The following MBD5 variants were observed in gnomAD, a reference collection of about 807,000 sequenced individuals.
The protein encoded by MBD5 is methyl-CpG-binding domain protein 5.
MBD5 carries 13 observed loss-of-function variants against 117.3 expected under a neutral mutation model. The observed-to-expected ratio is 0.11, with a 90% CI of 0.07 to 0.18. The LOEUF (loss-of-function observed/expected upper bound fraction) is 0.18. Among genes scored for constraint, MBD5 ranks in the 10% least tolerant of loss-of-function variants. The probability of loss-of-function intolerance (pLI) is 1.00; values close to 1 mark genes in which losing one functional copy is unlikely to be tolerated. For missense variants in MBD5, 1,879 were observed against 2,093.8 expected (o/e 0.90, Z 2.00); for synonymous variants, 727 against 766.4 (o/e 0.95, Z 0.85).
chr2:148,169,037 G>A (rs184915141), intron 1 of MBD5, among the ~76,000 whole-genome samples: 6 of 150,962 alleles, frequency 4.0e-5, no homozygotes, highest in East Asian at 1.9e-4. Flanking sequence ...ATAACACTGC[G>A]CAGAGGAAGT....
At chr2:148,245,121 C>T (rs1193804393) in intron 3 of MBD5, among the ~76,000 whole-genome samples, 2 of 152,188 alleles carry the variant, frequency 1.3e-5, no homozygotes, top group East Asian at 1.9e-4. Flanking sequence ...CACTGTGGCT[C>T]ACGCCTGTAA....
At chr2:148,458,944 G>GCCATCAGTC in intron 5 of MBD5, 73 bp downstream of exon 5, 1 of 1,146,848 alleles carries the variant, frequency 8.7e-7, no homozygotes, top group Non-Finnish European at 1.3e-6. Context: ...CAAGCATGGT[G>GCCATCAGTC]ACTGATGGCA....
rs1375481661 is a variant in MBD5, at chr2:148,365,582, C to T, written c.-557+23246C>T. 2.6e-5 allele frequency among the ~76,000 whole-genome samples: 4 copies of T among 151,824 alleles called. No individual in the cohort carries two copies. In the East Asian group the frequency reaches 7.7e-4, roughly 29 times the overall value. On this transcript the variant is annotated intron_variant, in intron 4 of 13. Coordinates refer to ENST00000642680, the MANE Select transcript of MBD5 (RefSeq NM_001378120.1). ...TTAACAAAATACATAGACCACTAGC[C>T]AGACCAATAAAAAAGAAAAAGGAGA...
At chr2:148,324,428 A>G (rs1354359304) in intron 3 of MBD5, among the ~76,000 whole-genome samples, 1 of 152,198 alleles carries the variant, frequency 6.6e-6, no homozygotes, top group Non-Finnish European at 1.5e-5. Flanking sequence ...TACCTTGGGC[A>G]GTATGGCCAT....
At chr2:148,043,184 G>A (rs1694413712) in intron 1 of MBD5, among the ~76,000 whole-genome samples, 1 of 151,820 alleles carries the variant, frequency 6.6e-6, no homozygotes, top group South Asian at 2.1e-4. Flanking sequence ...CCAGCACTTT[G>A]GGAGGCCAAG....
At chr2:148,163,004 A>G (rs1199456321) in intron 1 of MBD5, among the ~76,000 whole-genome samples, 1 of 152,234 alleles carries the variant, frequency 6.6e-6, no homozygotes, top group Non-Finnish European at 1.5e-5. Flanking sequence ...AAATGAAAGT[A>G]TTAAGACAAT....
intron 2 of MBD5, among the ~76,000 whole-genome samples, chr2:148,189,517 G>A (rs1574113539): frequency 1.9e-5 from 1 of 51,536 alleles, no homozygotes; most frequent in Non-Finnish European, 4.0e-5. Context: ...ACACAGCAGG[G>A]TATTCCAACA....
Position 148,052,206 on chromosome 2 carries a change from G to GTTTTTTTTTTTTTT in MBD5, c.-925+30530_-925+30543dup, listed in dbSNP as rs70992189. ...TCTTATGGTATAAGACTGTTATTGA[G>GTTTTTTTTTTTTTT]TTTTTTTTTTTTTTTTTTTTTGAGA... On this transcript the variant is annotated intron_variant, in intron 1 of 13. Transcript: ENST00000642680. Among the ~76,000 whole-genome samples, 8 of 83,766 alleles carry GTTTTTTTTTTTTTT rather than the reference G, an allele frequency of 9.6e-5. 1 individual carries two copies. Among genetic ancestry groups the GTTTTTTTTTTTTTT allele is most frequent in the East Asian group, 4.3e-4 (1 of 2,300 alleles). The allele number at this position is 83,766 out of a possible 152,430, so 55.0% of individuals were successfully genotyped here.
intron 3 of MBD5, among the ~76,000 whole-genome samples, chr2:148,252,642 C>T (rs542770063): frequency 6.6e-6 from 1 of 152,230 alleles, no homozygotes; most frequent in Non-Finnish European, 1.5e-5. Flanking sequence ...CTCGACCTCC[C>T]AGGCTCAGGT....
rs1198272693 is a variant in MBD5, at chr2:148,328,669, C to T, written c.-679-13545C>T. On this transcript the variant is annotated intron_variant, in intron 3 of 13. Coordinates refer to ENST00000642680, the MANE Select transcript of MBD5 (RefSeq NM_001378120.1). ...GAACTCCCTGACCCCTTGCGCTTCCCGAGTGAGGCAATGCCTCACCCTGCT... is the reference window on the plus strand; with the variant it reads ...GAACTCCCTGACCCCTTGCGCTTCCTGAGTGAGGCAATGCCTCACCCTGCT... 5.3e-5 allele frequency among the ~76,000 whole-genome samples: 8 copies of T among 152,352 alleles called. No homozygotes were observed. The East Asian group carries it at 7.7e-4, about 15-fold the overall frequency.
At chr2:148,040,549 T>G (rs1272384796) in intron 1 of MBD5, among the ~76,000 whole-genome samples, 1 of 152,210 alleles carries the variant, frequency 6.6e-6, no homozygotes, top group Non-Finnish European at 1.5e-5. Flanking sequence ...TAATTCATAA[T>G]AAGGCAAAAT....
At chr2:148,365,559 A>C (rs568293818) in intron 4 of MBD5, among the ~76,000 whole-genome samples, 1 of 152,206 alleles carries the variant, frequency 6.6e-6, no homozygotes, top group Non-Finnish European at 1.5e-5. Context: ...TGAAAAGATT[A>C]ACAAAATACA....
At chr2:148,422,154 G>A (rs1023634221) in intron 4 of MBD5, among the ~76,000 whole-genome samples, 3 of 152,206 alleles carry the variant, frequency 2.0e-5, no homozygotes, top group Non-Finnish European at 4.4e-5. Context: ...CCTTTCAGTA[G>A]GGGCTGACAG....
At chr2:148,293,762 T>A (rs563098599) in intron 3 of MBD5, among the ~76,000 whole-genome samples, 1 of 152,348 alleles carries the variant, frequency 6.6e-6, no homozygotes, top group East Asian at 1.9e-4. Context: ...GGATTTTCCA[T>A]AAATGTCCTT....
chr2:148,238,145 A>G (rs1700130961), intron 3 of MBD5, among the ~76,000 whole-genome samples: 1 of 152,234 alleles, frequency 6.6e-6, no homozygotes, highest in African/African-American at 2.4e-5. Context: ...ATTTATGCCA[A>G]ACTTGTTTTA....
chr2:148,346,069 A>G (rs1703116431), intron 4 of MBD5: 1 of 151,948 alleles, frequency 6.6e-6, no homozygotes, highest in South Asian at 2.1e-4. Flanking sequence ...CCTTCAATCC[A>G]GTCAAGTTGA....
At chr2:148,450,863 G>T (rs1220187312) in intron 4 of MBD5, among the ~76,000 whole-genome samples, 1 of 152,112 alleles carries the variant, frequency 6.6e-6, no homozygotes. Context: ...CTGAATTTTT[G>T]TAGCAAAATA....
chr2:148,221,453 G>A (rs146428557), intron 2 of MBD5, among the ~76,000 whole-genome samples: 10 of 152,120 alleles, frequency 6.6e-5, no homozygotes, highest in African/African-American at 1.9e-4. Flanking sequence ...ACTAAAAGCC[G>A]TTTTAACTGA....
At chr2:148,237,029 A>T (rs13001946) in intron 3 of MBD5, among the ~76,000 whole-genome samples, 14 of 151,972 alleles carry the variant, frequency 9.2e-5, no homozygotes, top group Non-Finnish European at 4.4e-5. Context: ...CTAGTGTCAA[A>T]CTTTTCTTCT....
Sources: allele counts gnomAD v4.1 joint callset (sites outside exome capture counted in the v4.1 genomes callset), GRCh38; gene constraint gnomAD v4.1.1; transcripts MANE v1.5; gene names NCBI Gene and HGNC (gene_info 2026-07-23, HGNC 2026-07-21).